The following KCNMA1 variants were observed in gnomAD, a reference collection of about 807,000 sequenced individuals.
KCNMA1 encodes potassium calcium-activated channel subfamily M alpha 1, also known as Calcium-activated potassium channel subunit alpha-1.
Under a neutral mutation model 140.0 loss-of-function variants are expected in KCNMA1, and 29 were observed. That is an observed-to-expected ratio of 0.21 (90% CI 0.15 to 0.28). The LOEUF (loss-of-function observed/expected upper bound fraction) is 0.28, where lower values mean the gene tolerates loss of function less well. Ranked by LOEUF, KCNMA1 falls within the 10% of genes least tolerant of loss-of-function variation. KCNMA1 has a pLI of 1.00. For missense variants in KCNMA1, 880 were observed against 1,602.2 expected (o/e 0.55, Z 7.70); for synonymous variants, 612 against 611.9 (o/e 1.00, Z 0.00).
intron 5 of KCNMA1, among the ~76,000 whole-genome samples, chr10:77,123,813 G>A (rs2097678739): frequency 6.6e-6 from 1 of 152,068 alleles, no homozygotes; most frequent in African/African-American, 2.4e-5. Context: ...TTGCGCTTTG[G>A]GGCCGTTATT....
rs1410604223 is a variant in KCNMA1 at position 77,190,944 on chromosome 10, T to C, written c.603-6028A>G. Among the ~76,000 whole-genome samples, 5 of 152,190 alleles carry C rather than the reference T, an allele frequency of 3.3e-5. No homozygotes were observed. In the South Asian group the frequency reaches 1.0e-3, roughly 32 times the overall value. ...GGATGAAGATAATGAAAGCTGATAATACTTAGACACTCTGAAGACTCTTAA... is the reference window on the plus strand; with the variant it reads ...GGATGAAGATAATGAAAGCTGATAACACTTAGACACTCTGAAGACTCTTAA... On this transcript the variant is annotated intron_variant, in intron 3 of 27. Coordinates refer to ENST00000286628, the MANE Select transcript of KCNMA1 (RefSeq NM_001161352.2).
intron 3 of KCNMA1, among the ~76,000 whole-genome samples, 178 bp from the exon 4 acceptor site, chr10:77,185,094 C>G (rs1269248810): frequency 1.3e-5 from 2 of 152,062 alleles, no homozygotes; most frequent in African/African-American, 4.8e-5. Context: ...AGGGGTCTTT[C>G]CATTCAACCA....
At chr10:77,134,518 G>C (rs969903903) in intron 5 of KCNMA1, among the ~76,000 whole-genome samples, 5 of 151,976 alleles carry the variant, frequency 3.3e-5, no homozygotes, top group African/African-American at 1.2e-4. Context: ...AACTCACAAT[G>C]AATTAATGAC....
intron 1 of KCNMA1, among the ~76,000 whole-genome samples, chr10:77,474,351 A>C (rs181808981): frequency 6.6e-6 from 1 of 152,196 alleles, no homozygotes; most frequent in Non-Finnish European, 1.5e-5. Flanking sequence ...GTGGGCCTTC[A>C]TCCAACAGGA....
intron 3 of KCNMA1, among the ~76,000 whole-genome samples, chr10:77,186,945 G>A (rs1346895325): frequency 2.0e-5 from 3 of 152,018 alleles, no homozygotes; most frequent in Non-Finnish European, 2.9e-5. Flanking sequence ...TGATGTATAC[G>A]CAGTCAAGGG....
intron 12 of KCNMA1, among the ~76,000 whole-genome samples, chr10:77,083,686 T>C (rs1565986615): frequency 6.6e-6 from 1 of 151,700 alleles, no homozygotes. Context: ...AATCTAAAAA[T>C]TGGCCATGTG....
intron 2 of KCNMA1, among the ~76,000 whole-genome samples, chr10:77,255,931 A>G (rs1331058547): frequency 7.2e-6 from 1 of 139,172 alleles, no homozygotes; most frequent in African/African-American, 2.7e-5. Context: ...AAAAAAAAAA[A>G]TCTGTCCCTA....
chr10:77,401,858 C>T (rs1374634625), intron 2 of KCNMA1, among the ~76,000 whole-genome samples: 1 of 152,210 alleles, frequency 6.6e-6, no homozygotes, highest in Non-Finnish European at 1.5e-5. Flanking sequence ...CCACACTCCA[C>T]AAGTGCACAC....
chr10:77,420,096 C>T (rs2096835485), intron 1 of KCNMA1, among the ~76,000 whole-genome samples: 1 of 152,236 alleles, frequency 6.6e-6, no homozygotes, highest in Non-Finnish European at 1.5e-5. Flanking sequence ...AGGGCCCTGG[C>T]CATCAGTGAA....
intron 2 of KCNMA1, chr10:77,354,551 T>A (rs1321377803): frequency 6.6e-6 from 1 of 152,172 alleles, no homozygotes; most frequent in Non-Finnish European, 1.5e-5. Context: ...TGTTGCCCCA[T>A]TTGAAGAAAG....
chr10:77,311,023 G>T (rs612797), intron 2 of KCNMA1, among the ~76,000 whole-genome samples: 5 of 151,710 alleles, frequency 3.3e-5, no homozygotes, highest in East Asian at 1.9e-4. Context: ...CACCATTTTT[G>T]GCCACAGCTG....
chr10:76,902,205 A>G (rs1262984621), intron 25 of KCNMA1: 4 of 152,260 alleles, frequency 2.6e-5, no homozygotes, highest in African/African-American at 9.6e-5. Flanking sequence ...CAATTACCAA[A>G]GGCGCTTCCT....
chr10:77,223,553 T>C (rs1325801411), intron 3 of KCNMA1, among the ~76,000 whole-genome samples: 3 of 152,190 alleles, frequency 2.0e-5, no homozygotes, highest in East Asian at 3.9e-4. Context: ...TGATTGGACA[T>C]ACAGACAGAC....
intron 3 of KCNMA1, among the ~76,000 whole-genome samples, chr10:77,187,821 C>G (rs1299843498): frequency 6.6e-6 from 1 of 152,062 alleles, no homozygotes; most frequent in Non-Finnish European, 1.5e-5. Context: ...TTTATCAGAT[C>G]CCCTCTGAGA....
At chr10:77,509,822 T>C (rs1486692024) in intron 1 of KCNMA1, among the ~76,000 whole-genome samples, 1 of 152,176 alleles carries the variant, frequency 6.6e-6, no homozygotes, top group Non-Finnish European at 1.5e-5. Context: ...CACTGGATGT[T>C]ATCCACTTTA....
At position 77,405,845 on chromosome 10, in the gene KCNMA1, A is replaced by G. The variant is rs557351887; in HGVS notation, c.379-1822T>C. Among the ~76,000 whole-genome samples the G allele has an allele frequency of 8.5e-5, 13 of 152,252 alleles. No homozygotes were observed. In the South Asian group the frequency reaches 2.7e-3, roughly 32 times the overall value. ...GGGGCGGGGCAGAGGGAGGCCAGGC[A>G]CGTGGGAGGCAGGTGGGGAGGGTGC... On this transcript the variant is annotated intron_variant, in intron 1 of 27. Coordinates refer to ENST00000286628, the MANE Select transcript of KCNMA1 (RefSeq NM_001161352.2).
At chr10:77,632,475 C>A (rs1000942309) in intron 1 of KCNMA1, among the ~76,000 whole-genome samples, 3 of 152,132 alleles carry the variant, frequency 2.0e-5, no homozygotes, top group South Asian at 2.1e-4. Flanking sequence ...AGCTCCTGGT[C>A]CCCCATACTG....
chr10:77,257,502 C>G (rs577625416), intron 2 of KCNMA1, among the ~76,000 whole-genome samples: 1 of 152,042 alleles, frequency 6.6e-6, no homozygotes, highest in Non-Finnish European at 1.5e-5. Flanking sequence ...CAAAGTGGAA[C>G]GGGGAGAGAA....
At chr10:77,322,385 A>G (rs1164325713) in intron 2 of KCNMA1, among the ~76,000 whole-genome samples, 3 of 152,240 alleles carry the variant, frequency 2.0e-5, no homozygotes, top group Non-Finnish European at 4.4e-5. Context: ...CTTGAAGACC[A>G]TGCTCCAACT....
Sources: allele counts gnomAD v4.1 joint callset (sites outside exome capture counted in the v4.1 genomes callset), GRCh38; gene constraint gnomAD v4.1.1; transcripts MANE v1.5; gene names NCBI Gene and HGNC (gene_info 2026-07-23, HGNC 2026-07-21).